The following TCF7 variants were observed in gnomAD, a reference collection of about 807,000 sequenced individuals.
The protein encoded by TCF7 is T-cell-factor-7.
In TCF7, 19 loss-of-function variants were observed where a neutral mutation model predicts 46.8. That is an observed-to-expected ratio of 0.41 (90% CI 0.28 to 0.60). The LOEUF is 0.60. TCF7 is among the 20% of genes least tolerant of loss of function. The pLI, the probability that TCF7 is intolerant of heterozygous loss-of-function variation, is 0.35. For synonymous variants in TCF7, 245 were observed against 213.4 expected, an observed-to-expected ratio of 1.15 and a Z score of -1.29; for missense variants, 547 against 504.6, an observed-to-expected ratio of 1.08 and a Z score of -0.81.
chr5:134,141,345 G>C (rs1421635684), intron 5 of TCF7: 2 of 152,826 alleles, frequency 1.3e-5, no homozygotes, highest in Non-Finnish European at 2.9e-5. Context: ...TAGCAAGAAA[G>C]TGAAGTGGGA....
rs1204436279 is a variant in TCF7 at position 134,146,732 on chromosome 5, T to C, written c.*429T>C. The C allele has an allele frequency of 1.7e-6, 1 of 593,592 alleles. No individual in the cohort carries two copies. The highest frequency in any genetic ancestry group is 1.9e-5 in the African/African-American group (1 of 53,886). The allele number at this position is 593,592 out of a possible 1,614,324, so 36.8% of individuals were successfully genotyped here. A position where few individuals can be genotyped will look rare whatever the true frequency, so the allele number is the denominator to read the frequency against. On this transcript the variant is annotated 3_prime_UTR_variant, in exon 10 of 10. Coordinates refer to ENST00000342854, the MANE Select transcript of TCF7 (RefSeq NM_003202.5). The stretch of plus-strand genomic sequence containing the variant: ...GAATCAGATCTGTCTTGATGTGTCA[T>C]CTAATTAAGGGAATCCCTTGTACCT...
intron 9 of TCF7, chr5:134,144,857 G>A (rs762794674): frequency 3.7e-6 from 6 of 1,614,124 alleles, no homozygotes; most frequent in African/African-American, 1.3e-5. Context: ...ACGGATTGGT[G>A]TGGTCCGTGC....
intron 3 of TCF7, among the ~76,000 whole-genome samples, chr5:134,126,373 A>G (rs902505257): frequency 4.6e-5 from 7 of 152,182 alleles, no homozygotes; most frequent in African/African-American, 1.7e-4. Context: ...GCCATGTTGC[A>G]GGGGGTGGTG....
At chr5:134,119,626 G>C (rs1756302765) in intron 3 of TCF7, among the ~76,000 whole-genome samples, 1 of 152,230 alleles carries the variant, frequency 6.6e-6, no homozygotes, top group African/African-American at 2.4e-5. Context: ...CAGGCATCAG[G>C]TGTCAGGTCC....
intron 9 of TCF7, 78 bp downstream of exon 9, chr5:134,143,718 G>A (rs529348395): frequency 3.3e-4 from 516 of 1,562,024 alleles, no homozygotes; most frequent in Admixed American, 7.4e-4. Context: ...TGACCCAAAG[G>A]GAGGAACGCG....
intron 3 of TCF7, among the ~76,000 whole-genome samples, chr5:134,127,008 GGCAGAGTCAGGATTT>G (rs1757441708): frequency 6.6e-6 from 1 of 152,162 alleles, no homozygotes; most frequent in Admixed American, 6.5e-5. Flanking sequence ...GCTGATACCT[GGCAGAGTCAGGATTT>G]GAACTTTGGT....
chr5:134,126,001 G>T (rs1262002671), intron 3 of TCF7, among the ~76,000 whole-genome samples: 1 of 152,232 alleles, frequency 6.6e-6, no homozygotes, highest in East Asian at 1.9e-4. Context: ...GCTATCAAAA[G>T]AAATAATAGG....
chr5:134,144,742 C>G, intron 9 of TCF7: 1 of 1,393,096 alleles, frequency 7.2e-7, no homozygotes, highest in South Asian at 1.2e-5. Context: ...CTGCTCTGCC[C>G]CGCTGCCTGC....
upstream of TCF7, among the ~76,000 whole-genome samples, chr5:134,113,562 G>C (rs967848457): frequency 6.6e-6 from 1 of 152,230 alleles, no homozygotes; most frequent in Admixed American, 6.5e-5. Context: ...ACTGCTCTCA[G>C]AAGAGGCGTG....
intron 3 of TCF7, among the ~76,000 whole-genome samples, chr5:134,137,118 A>G (rs1402395132): frequency 2.0e-5 from 3 of 152,150 alleles, no homozygotes; most frequent in East Asian, 1.9e-4. Context: ...TGATAGAGCA[A>G]TGCAACTAGT....
chr5:134,132,451 G>GTCCCCTGCC (rs1476208427), intron 3 of TCF7, among the ~76,000 whole-genome samples: 1 of 152,222 alleles, frequency 6.6e-6, no homozygotes, highest in Non-Finnish European at 1.5e-5. Context: ...TGCTGGCACA[G>GTCCCCTGCC]TCCCCTGCCA....
chr5:134,137,957 C>T (rs968254884), intron 3 of TCF7, 102 bp from the exon 4 acceptor site: 2 of 1,002,346 alleles, frequency 2.0e-6, no homozygotes, highest in Non-Finnish European at 2.9e-6. Flanking sequence ...TGGTTTTGGC[C>T]ACCACTTTTC....
In TCF7 at chr5:134,148,022, C is replaced by T. The variant is rs145871338; in HGVS notation, c.*1719C>T. On this transcript the variant is annotated 3_prime_UTR_variant, in exon 10 of 10. Transcript: ENST00000342854. ...AGGGCTGTCCATGTATTCACACACCCCTCAAAAAAAGCCTTTAGTTCCTAC... is the reference window on the plus strand; with the variant it reads ...AGGGCTGTCCATGTATTCACACACCTCTCAAAAAAAGCCTTTAGTTCCTAC... 579 of 151,392 alleles carry T rather than the reference C, an allele frequency of 3.8e-3. 1 individual carries two copies. The highest frequency in any genetic ancestry group is 5.1e-3 in the Non-Finnish European group (349 of 67,830). 9.4% of individuals were successfully genotyped at this position (151,392 alleles called of 1,614,324 possible). A position where few individuals can be genotyped will look rare whatever the true frequency, so the allele number is the denominator to read the frequency against.
chr5:134,115,663 G>C, intron 2 of TCF7: 1 of 1,432,680 alleles, frequency 7.0e-7, no homozygotes, highest in South Asian at 1.5e-5. Flanking sequence ...TCAGGAGACA[G>C]AATTGGCCAA....
chr5:134,115,118 TCCCGGGGGC>T lies in TCF7; in HGVS notation c.214_222del (p.Pro72_Ala74del), dbSNP rs1351746212. The stretch of plus-strand genomic sequence containing the variant: ...GCCGGCGGCGCAGGGATCCCGGGGG[TCCCGGGGGC>T]CGGCGCCGGGGCCCGCGGCGAGGCC... On this transcript the variant is annotated inframe_deletion, in exon 1 of 10. Transcript: ENST00000342854. The T allele has an allele frequency of 8.8e-6, 9 of 1,020,214 alleles. No homozygotes were observed. Among genetic ancestry groups the T allele is most frequent in the South Asian group, 4.2e-5 (1 of 23,852 alleles). 63.2% of individuals were successfully genotyped at this position (1,020,214 alleles called of 1,614,324 possible). A position where few individuals can be genotyped will look rare whatever the true frequency, so the allele number is the denominator to read the frequency against.
chr5:134,109,532 G>C, the TCF7 span, among the ~76,000 whole-genome samples: 1 of 152,154 alleles, frequency 6.6e-6, no homozygotes, highest in Non-Finnish European at 1.5e-5. Flanking sequence ...CACTTTGGGA[G>C]GCCAAGGTGG....
chr5:134,144,570 C>T, intron 9 of TCF7: 1 of 545,968 alleles, frequency 1.8e-6, no homozygotes, highest in African/African-American at 1.9e-5. Context: ...CTTCCCACTG[C>T]CTCTACTGCG....
upstream of TCF7, among the ~76,000 whole-genome samples, chr5:134,109,770 CAAAAAAAA>C (rs59510685): frequency 7.1e-6 from 1 of 140,278 alleles, no homozygotes; most frequent in Admixed American, 7.1e-5. Flanking sequence ...GGCTCCATCT[CAAAAAAAA>C]AAAAAAAAAA....
At chr5:134,142,419 A>G (rs1759958401) in intron 6 of TCF7, 115 bp downstream of exon 6, 4 of 309,060 alleles carry the variant, frequency 1.3e-5, no homozygotes, top group Non-Finnish European at 2.0e-5. Flanking sequence ...GCCTCTGGCT[A>G]TGTTTTTGAT....
Sources: gnomAD v4.1 joint callset for allele counts (sites outside exome capture counted in the v4.1 genomes callset) on GRCh38, gnomAD v4.1.1 for gene constraint, MANE v1.5 for transcripts, NCBI Gene and HGNC (gene_info 2026-07-23, HGNC 2026-07-21) for gene names.